Variants in MARCHF1 observed in about 807,000 individuals in gnomAD.
MARCHF1 encodes the protein E3 ubiquitin-protein ligase MARCHF1.
MARCHF1 carries 40 observed loss-of-function variants against 54.2 expected under a neutral mutation model. The ratio of observed to expected loss-of-function variants is 0.74; its 90% CI spans 0.57 to 0.96. MARCHF1 has a LOEUF of 0.96. Among genes scored for constraint, MARCHF1 ranks in the 40% least tolerant of loss-of-function variants. MARCHF1 has a pLI of 0.00. For missense variants in MARCHF1, 586 were observed against 656.5 expected, an observed-to-expected ratio of 0.89 and a Z score of 1.17; for synonymous variants, 236 against 236.3, an observed-to-expected ratio of 1.00 and a Z score of 0.01.
chr4:163,594,609 G>C (rs534007156), intron 7 of MARCHF1, among the ~76,000 whole-genome samples: 108 of 151,838 alleles, frequency 7.1e-4, no homozygotes, highest in African/African-American at 2.5e-3. Context: ...GAGCAAAGGA[G>C]CTAAAAAGAC....
At chr4:164,356,878 CACTT>C (rs1181608774) in intron 1 of MARCHF1, among the ~76,000 whole-genome samples, 1 of 150,316 alleles carries the variant, frequency 6.7e-6, no homozygotes, top group Non-Finnish European at 1.5e-5. Flanking sequence ...ATCATGCTCT[CACTT>C]ACAAGTGGGA....
rs147336602 is a variant in MARCHF1 at position 163,748,651 on chromosome 4, C to T, written c.112-47788G>A. Among the ~76,000 whole-genome samples the T allele has an allele frequency of 3.0e-3, 458 of 152,268 alleles. 3 individuals carry two copies. Among genetic ancestry groups the T allele is most frequent in the African/African-American group, 0.011 (443 of 41,546 alleles). On this transcript the variant is annotated intron_variant, in intron 4 of 9. Transcript: ENST00000514618. ...CAGAGAGAAAGGTTACTAGATCTGGCCCATTGCCAGGTGATCCATCCCTCA... is the reference window on the plus strand; with the variant it reads ...CAGAGAGAAAGGTTACTAGATCTGGTCCATTGCCAGGTGATCCATCCCTCA...
At chr4:164,187,686 C>T (rs1039742723) in intron 1 of MARCHF1, among the ~76,000 whole-genome samples, 2 of 152,066 alleles carry the variant, frequency 1.3e-5, no homozygotes, top group Non-Finnish European at 2.9e-5. Flanking sequence ...CTTGACAACA[C>T]GGATCCCAGT....
Position 163,779,485 on chromosome 4 carries a change from T to C in MARCHF1, c.111+74536A>G, listed in dbSNP as rs141655086. Among the ~76,000 whole-genome samples, 546 of 152,284 alleles carry C rather than the reference T, an allele frequency of 3.6e-3. 5 individuals carry two copies. Among genetic ancestry groups the C allele is most frequent in the African/African-American group, 0.012 (503 of 41,554 alleles). On this transcript the variant is annotated intron_variant, in intron 4 of 9. Transcript: ENST00000514618. ...AAATTTTGTAGAAAAAAAGTTAGCA[T>C]TTCAGAACAAGTTTGCTACTTCTTA...
At position 164,244,359 on chromosome 4, in the gene MARCHF1, T is replaced by C. The variant is rs558343902; in HGVS notation, c.-322-132697A>G. ...GAACAACCTGCTCCTGAATGACTAC[T>C]GGGTACATAACGAAATGAAGGCAGA... On this transcript the variant is annotated intron_variant, in intron 1 of 9. Transcript: ENST00000514618. Among the ~76,000 whole-genome samples, 3 of 152,192 alleles carry C rather than the reference T, an allele frequency of 2.0e-5. No homozygotes were observed. In the East Asian group the frequency reaches 5.8e-4, roughly 29 times the overall value.
At chr4:164,056,732 T>C (rs895965150) in intron 2 of MARCHF1, among the ~76,000 whole-genome samples, 1 of 152,194 alleles carries the variant, frequency 6.6e-6, no homozygotes, top group South Asian at 2.1e-4. Flanking sequence ...TCAGGCATTG[T>C]CTGTGCCTGC....
At chr4:163,952,317 TGTTGG>T (rs1752149935) in intron 3 of MARCHF1, among the ~76,000 whole-genome samples, 1 of 152,202 alleles carries the variant, frequency 6.6e-6, no homozygotes, top group Non-Finnish European at 1.5e-5. Flanking sequence ...GTGAAATCTC[TGTTGG>T]GTAGACTTCT....
chr4:163,669,274 CA>C (rs971160907), intron 5 of MARCHF1, among the ~76,000 whole-genome samples: 1 of 152,124 alleles, frequency 6.6e-6, no homozygotes, highest in Non-Finnish European at 1.5e-5. Flanking sequence ...GAGTGCTTCT[CA>C]GAAATAATTT....
intron 2 of MARCHF1, among the ~76,000 whole-genome samples, chr4:164,074,674 A>C (rs1030798990): frequency 3.9e-5 from 6 of 152,114 alleles, no homozygotes; most frequent in Non-Finnish European, 8.8e-5. Context: ...ATAGACATGG[A>C]AAAATTTCTC....
intron 3 of MARCHF1, among the ~76,000 whole-genome samples, chr4:163,941,119 T>C (rs1367587242): frequency 6.6e-6 from 1 of 152,132 alleles, no homozygotes; most frequent in Non-Finnish European, 1.5e-5. Context: ...ACAGGCTATG[T>C]ATCCTTGAGA....
At chr4:164,291,873 A>T (rs1002608449) in intron 1 of MARCHF1, among the ~76,000 whole-genome samples, 2 of 152,060 alleles carry the variant, frequency 1.3e-5, no homozygotes, top group African/African-American at 4.8e-5. Flanking sequence ...AATGACTCAG[A>T]GGTGCTTTTG....
chr4:164,281,343 AAAAGTC>A lies in MARCHF1; in HGVS notation c.-323+102521_-323+102526del, dbSNP rs1252144624. Among the ~76,000 whole-genome samples, 3 of 152,320 alleles carry A rather than the reference AAAAGTC, an allele frequency of 2.0e-5. No homozygotes were observed. The South Asian group carries it at 6.2e-4, about 32-fold the overall frequency. ...TGCCTTCCATCAAAGGGCTTACATC[AAAAGTC>A]AAAGAGAATGTAGTATATTAGGCAC... On this transcript the variant is annotated intron_variant, in intron 1 of 9. Transcript: ENST00000514618.
intron 1 of MARCHF1, among the ~76,000 whole-genome samples, chr4:164,249,776 A>T (rs1299224240): frequency 6.6e-6 from 1 of 151,950 alleles, no homozygotes; most frequent in Non-Finnish European, 1.5e-5. Context: ...AAAAAAAAAA[A>T]AAGTCTTATG....
chr4:163,967,962 T>G (rs1217847789), intron 3 of MARCHF1, among the ~76,000 whole-genome samples: 1 of 152,164 alleles, frequency 6.6e-6, no homozygotes, highest in Non-Finnish European at 1.5e-5. Flanking sequence ...CAGAATTCAC[T>G]GATTTAAATG....
At chr4:164,023,613 A>G (rs1430842251) in intron 2 of MARCHF1, among the ~76,000 whole-genome samples, 1 of 152,242 alleles carries the variant, frequency 6.6e-6, no homozygotes, top group Non-Finnish European at 1.5e-5. Context: ...AATACAGTTA[A>G]AAAGAACACC....
chr4:163,935,702 C>CTTTTTTTTTTTTTTTT (rs34331599), intron 3 of MARCHF1, among the ~76,000 whole-genome samples: 2 of 125,756 alleles, frequency 1.6e-5, no homozygotes, highest in African/African-American at 2.8e-5. Flanking sequence ...TGCTTGCTTT[C>CTTTTTTTTTTTTTTTT]TTTTTTTTTT....
intron 1 of MARCHF1, among the ~76,000 whole-genome samples, chr4:164,172,372 A>T (rs78019495): frequency 0.016 from 2,507 of 152,292 alleles, 59 homozygotes; most frequent in African/African-American, 0.056. Flanking sequence ...GAATTTACTT[A>T]TCTTACTTAT....
intron 1 of MARCHF1, among the ~76,000 whole-genome samples, chr4:164,307,636 TCAA>T (rs141771279): frequency 0.015 from 2,250 of 152,278 alleles, 50 homozygotes; most frequent in African/African-American, 0.051. Flanking sequence ...TACAAATAAT[TCAA>T]CAACAACAAA....
At chr4:164,130,913 A>C (rs528197605) in intron 1 of MARCHF1, among the ~76,000 whole-genome samples, 2 of 152,134 alleles carry the variant, frequency 1.3e-5, no homozygotes, top group Non-Finnish European at 1.5e-5. Flanking sequence ...GCTTTATTTT[A>C]AGTAACTTTC....
Sources: gnomAD v4.1 joint callset for allele counts (sites outside exome capture counted in the v4.1 genomes callset) on GRCh38, gnomAD v4.1.1 for gene constraint, MANE v1.5 for transcripts, NCBI Gene and HGNC (gene_info 2026-07-23, HGNC 2026-07-21) for gene names.